CTDP1: variants seen among roughly 807,000 people sequenced by gnomAD.
The protein encoded by CTDP1 is RNA polymerase II subunit A C-terminal domain phosphatase.
In CTDP1, 47 loss-of-function variants were observed where a neutral mutation model predicts 91.8. That is an observed-to-expected ratio of 0.51 (90% confidence interval 0.41 to 0.65). The LOEUF is 0.65. Among genes scored for constraint, CTDP1 ranks in the 30% least tolerant of loss-of-function variants. The pLI, the probability that CTDP1 is intolerant of heterozygous loss-of-function variation, is 0.00. For synonymous variants in CTDP1, 656 were observed against 598.5 expected (o/e 1.10, Z -1.40); for missense variants, 1,272 against 1,373.7 (o/e 0.93, Z 1.17).
Position 79,714,894 on chromosome 18 carries a change from C to T in CTDP1, c.1434C>T (p.Ser478=), listed in dbSNP as rs867778311. Reference sequence around the variant, plus strand: ...CCTCCTCCGCCTCTGATGGCGAAAGCGAGGGGAAAAGAGGCCGGCAGAAGC... The same window carrying T: ...CCTCCTCCGCCTCTGATGGCGAAAGTGAGGGGAAAAGAGGCCGGCAGAAGC... ...KSSSSASDGE[S]EGKRGRQKPK... Residue 478 remains serine, a synonymous_variant, in exon 8 of 13, where the codon AGC becomes AGT. Transcript: ENST00000613122. The T allele has an allele frequency of 3.8e-6, 6 of 1,574,246 alleles. No homozygotes were observed. The highest frequency in any genetic ancestry group is 2.3e-5 in the East Asian group (1 of 43,496).
chr18:79,717,296 C>T (rs954587271), intron 8 of CTDP1, among the ~76,000 whole-genome samples: 3 of 138,044 alleles, frequency 2.2e-5, no homozygotes, highest in South Asian at 2.3e-4. Flanking sequence ...GAGGTGCAGC[C>T]GAGTGAGGGC....
At chr18:79,683,695 G>A (rs1660372461) in intron 1 of CTDP1, among the ~76,000 whole-genome samples, 1 of 152,230 alleles carries the variant, frequency 6.6e-6, no homozygotes, top group Admixed American at 6.5e-5. Context: ...ACACAGTTTT[G>A]GTCCCTCAAG....
chr18:79,683,919 G>C (rs759364991), intron 1 of CTDP1, among the ~76,000 whole-genome samples: 7 of 152,242 alleles, frequency 4.6e-5, no homozygotes, highest in Non-Finnish European at 1.5e-5. Context: ...TTTTGGGACC[G>C]GGGGGTGCCT....
intron 10 of CTDP1, among the ~76,000 whole-genome samples, chr18:79,728,243 G>A (rs2086491322): frequency 6.6e-6 from 1 of 152,214 alleles, no homozygotes; most frequent in South Asian, 2.1e-4. Context: ...GGGATTACAG[G>A]CGTGCACCAC....
At position 79,715,328 on chromosome 18, in the gene CTDP1, G is replaced by A. The variant is rs769147755; in HGVS notation, c.1868G>A (p.Arg623His). Reference protein sequence around the residue: ...NKEIEEAPDIRKIVPELKSKV... With the variant: ...NKEIEEAPDIHKIVPELKSKV... The stretch of plus-strand genomic sequence containing the variant: ...GAGATCGAGGAGGCGCCGGACATCC[G>A]CAAGATCGTGCCGGAGCTCAAGAGC... The change falls in exon 8 of 13, where the codon CGC becomes CAC. Residue 623 changes from arginine (R) to histidine (H), a missense_variant. By Grantham distance (29) the Arg-to-His change is conservative (BLOSUM62 0). Around this residue, in one of 3 missense-constraint regions of CTDP1, gnomAD observed 881 missense variants for 911.6 expected, o/e 0.97. Coordinates refer to ENST00000613122, the MANE Select transcript of CTDP1 (RefSeq NM_004715.5). The A allele has an allele frequency of 6.8e-6, 11 of 1,608,496 alleles. No homozygotes were observed. Among genetic ancestry groups the A allele is most frequent in the South Asian group, 1.1e-5 (1 of 90,016 alleles).
At chr18:79,700,589 A>G (rs188837553) in intron 4 of CTDP1, among the ~76,000 whole-genome samples, 48 of 152,378 alleles carry the variant, frequency 3.2e-4, no homozygotes, top group Admixed American at 2.5e-3. Flanking sequence ...AGGTTGGTTC[A>G]TGAGGGTGAA....
At position 79,729,057 on chromosome 18, in the gene CTDP1, T is replaced by C; in HGVS notation, c.2568T>C (p.Ser856=). 1.2e-6 allele frequency: 2 copies of C among 1,613,154 alleles called. No homozygotes were observed. Among genetic ancestry groups the C allele is most frequent in the Non-Finnish European group, 8.5e-7 (1 of 1,179,988 alleles). ...CTCTTTGTAAGGAGGATTTAGAGAG[T>C]ATGGACAAAGAGGTGAGCCAACCCC... ...LYTLCKEDLE[S]MDKEVDDILG... is the part of the protein sequence containing the mutation. Residue 856 remains serine (S), a synonymous_variant, in exon 11 of 13, where the codon AGT becomes AGC. Coordinates refer to ENST00000613122, the MANE Select transcript of CTDP1 (RefSeq NM_004715.5).
chr18:79,741,541 GAGATTTT>G (rs2086778264), intron 12 of CTDP1, among the ~76,000 whole-genome samples: 1 of 152,350 alleles, frequency 6.6e-6, no homozygotes, highest in South Asian at 2.1e-4. Context: ...TAAGTACTTG[GAGATTTT>G]AGTCCTGGTG....
chr18:79,733,853 C>T (rs910467393), intron 11 of CTDP1, among the ~76,000 whole-genome samples: 24 of 152,080 alleles, frequency 1.6e-4, no homozygotes, highest in African/African-American at 4.8e-4. Context: ...GACAGGATAC[C>T]GTAGCATCTG....
intron 12 of CTDP1, 108 bp from the exon 13 acceptor site, chr18:79,753,544 C>T: frequency 6.5e-7 from 1 of 1,544,972 alleles, no homozygotes; most frequent in East Asian, 2.3e-5. Flanking sequence ...GAGAATTGTG[C>T]CGTCTTGTGT....
chr18:79,680,110 G>A lies in CTDP1; in HGVS notation c.163G>A (p.Ala55Thr), dbSNP rs1311400129. 2.8e-6 allele frequency: 4 copies of A among 1,416,084 alleles called. No individual in the cohort carries two copies. The highest frequency in any genetic ancestry group is 2.6e-5 in the Admixed American group (1 of 38,266). 87.7% of individuals were successfully genotyped at this position (1,416,084 alleles called of 1,614,324 possible). The change falls in exon 1 of 13, where the codon GCC becomes ACC. Residue 55 changes from alanine to threonine, a missense_variant. Coordinates refer to ENST00000613122, the MANE Select transcript of CTDP1 (RefSeq NM_004715.5). The part of the protein sequence containing the change: ...IGSVLAVFEA[A>T]ASAQSSGASQ... ...CTCGGTGCTGGCCGTGTTCGAGGCCGCCGCCTCCGCGCAGTCCTCCGGGGC... is the reference window on the plus strand; with the variant it reads ...CTCGGTGCTGGCCGTGTTCGAGGCCACCGCCTCCGCGCAGTCCTCCGGGGC...
chr18:79,715,261 C>G lies in CTDP1; in HGVS notation c.1801C>G (p.His601Asp). ...IYLEEILVRV[H>D]TDYYAKYDRY... ...CCTGGAGGAGATCCTGGTCCGTGTA[C>G]ACACTGACTACTATGCCAAGTATGA... Residue 601 changes from histidine to aspartate, a missense_variant, in exon 8 of 13, where the codon CAC (histidine) becomes GAC (aspartate). By Grantham distance (81) the His-to-Asp change is moderately conservative. Around this residue, in one of 3 missense-constraint regions of CTDP1, gnomAD observed 881 missense variants for 911.6 expected, o/e 0.97. Coordinates refer to ENST00000613122, the MANE Select transcript of CTDP1 (RefSeq NM_004715.5). 1 of 1,610,598 alleles carries G rather than the reference C, an allele frequency of 6.2e-7. No individual in the cohort carries two copies. Among genetic ancestry groups the G allele is most frequent in the Non-Finnish European group, 8.5e-7 (1 of 1,178,524 alleles).
chr18:79,739,862 G>C (rs1036159621), intron 12 of CTDP1, among the ~76,000 whole-genome samples: 18 of 22,626 alleles, frequency 8.0e-4, no homozygotes, highest in Middle Eastern at 0.014. Flanking sequence ...TCATACCCAC[G>C]GCCGGGACGG....
intron 10 of CTDP1, among the ~76,000 whole-genome samples, chr18:79,719,206 C>G (rs938868525): frequency 6.6e-6 from 1 of 152,196 alleles, no homozygotes; most frequent in Non-Finnish European, 1.5e-5. Context: ...TGTGTTTTGT[C>G]TTTTACGATT....
At chr18:79,697,775 A>G in intron 3 of CTDP1, 85 bp from the exon 4 acceptor site, 1 of 1,578,358 alleles carries the variant, frequency 6.3e-7, no homozygotes, top group East Asian at 2.2e-5. Flanking sequence ...ACATTGATAT[A>G]GTTTTGTGTT....
chr18:79,697,288 G>A (rs917700000), intron 3 of CTDP1, among the ~76,000 whole-genome samples: 4 of 152,194 alleles, frequency 2.6e-5, no homozygotes, highest in South Asian at 2.1e-4. Context: ...AGCGTGGTGC[G>A]TCACATCCCG....
chr18:79,685,790 C>T (rs1432359523), intron 1 of CTDP1, among the ~76,000 whole-genome samples: 1 of 152,154 alleles, frequency 6.6e-6, no homozygotes, highest in Non-Finnish European at 1.5e-5. Flanking sequence ...GGGTCCGGTC[C>T]TGGAAATAAG....
chr18:79,709,799 C>T (rs1027004125), intron 5 of CTDP1, among the ~76,000 whole-genome samples: 12 of 152,198 alleles, frequency 7.9e-5, no homozygotes, highest in African/African-American at 2.9e-4. Flanking sequence ...ATTTCTACAA[C>T]ACAGAGTGTG....
chr18:79,750,428 A>G (rs1467479947), intron 12 of CTDP1, among the ~76,000 whole-genome samples: 1 of 152,026 alleles, frequency 6.6e-6, no homozygotes, highest in Non-Finnish European at 1.5e-5. Context: ...ATTCCAGTTG[A>G]CATAAAAATA....
Sources: allele counts gnomAD v4.1 joint callset (sites outside exome capture counted in the v4.1 genomes callset), GRCh38; gene constraint gnomAD v4.1.1; regional missense constraint gnomAD v4.1.1; transcripts MANE v1.5; gene names NCBI Gene and HGNC (gene_info 2026-07-23, HGNC 2026-07-21).